Variants in PRKCH observed in about 807,000 individuals in gnomAD.
The protein encoded by PRKCH is protein kinase C eta, also known as protein kinase C eta type.
A neutral mutation model predicts 82.5 loss-of-function variants in PRKCH; 28 were observed. The ratio of observed to expected loss-of-function variants is 0.34; its 90% confidence interval spans 0.25 to 0.47. The LOEUF is 0.47. Among genes scored for constraint, PRKCH ranks in the 20% least tolerant of loss-of-function variants. The probability of loss-of-function intolerance (pLI) is 1.00; values close to 1 mark genes in which losing one functional copy is unlikely to be tolerated. For synonymous variants in PRKCH, 322 were observed against 327.4 expected (o/e 0.98, Z 0.18); for missense variants, 705 against 881.8 (o/e 0.80, Z 2.54).
chr14:61,305,636 C>A (rs1051165304), intron 1 of PRKCH: 1 of 152,138 alleles, frequency 6.6e-6, no homozygotes, highest in Admixed American at 6.6e-5. Context: ...CTGCTCTAAC[C>A]ATCGAATAAA....
intron 1 of PRKCH, among the ~76,000 whole-genome samples, chr14:61,233,679 G>A (rs1212838751): frequency 6.6e-6 from 1 of 152,082 alleles, no homozygotes; most frequent in Non-Finnish European, 1.5e-5. Flanking sequence ...TTATAATAGT[G>A]AGTTAGTTAT....
At chr14:61,301,952 G>A (rs1436738244) in intron 1 of PRKCH, among the ~76,000 whole-genome samples, 1 of 152,176 alleles carries the variant, frequency 6.6e-6, no homozygotes, top group African/African-American at 2.4e-5. Context: ...ATTCCCAAGA[G>A]TTCTCTCATG....
intron 2 of PRKCH, among the ~76,000 whole-genome samples, chr14:61,433,544 T>C (rs1883524210): frequency 6.6e-6 from 1 of 151,992 alleles, no homozygotes; most frequent in Non-Finnish European, 1.5e-5. Flanking sequence ...GGGGTGGGGG[T>C]AGAGAGAACA....
At chr14:61,416,680 C>T (rs1882577111) in intron 2 of PRKCH, among the ~76,000 whole-genome samples, 2 of 151,974 alleles carry the variant, frequency 1.3e-5, no homozygotes, top group South Asian at 4.2e-4. Context: ...GCTTCTCTCT[C>T]CTGTCCCTTT....
At chr14:61,381,899 C>G (rs2046516698) in intron 1 of PRKCH, among the ~76,000 whole-genome samples, 1 of 152,190 alleles carries the variant, frequency 6.6e-6, no homozygotes. Flanking sequence ...TCAGAGCAGC[C>G]TCAAGGGAGG....
At chr14:61,386,328 C>T (rs2046586736) in intron 1 of PRKCH, among the ~76,000 whole-genome samples, 1 of 152,188 alleles carries the variant, frequency 6.6e-6, no homozygotes, top group Non-Finnish European at 1.5e-5. Context: ...AGTTAGGAAG[C>T]CACATGGTCA....
chr14:61,426,669 A>C (rs1298593454), intron 2 of PRKCH, among the ~76,000 whole-genome samples: 1 of 152,236 alleles, frequency 6.6e-6, no homozygotes, highest in Non-Finnish European at 1.5e-5. Flanking sequence ...TGTAATTTAT[A>C]CAGCTTTACA....
chr14:61,375,930 T>A (rs1232563923), intron 1 of PRKCH, among the ~76,000 whole-genome samples: 4 of 149,540 alleles, frequency 2.7e-5, no homozygotes, highest in African/African-American at 9.9e-5. Context: ...GGCAGGAGAA[T>A]CACTTGAACC....
intron 6 of PRKCH, chr14:61,452,969 A>C (rs992575219): frequency 2.1e-6 from 1 of 485,352 alleles, no homozygotes; most frequent in Non-Finnish European, 3.7e-6. Flanking sequence ...AATGGGTTTC[A>C]TCAAATCATG....
At chr14:61,274,384 C>G (rs2140087873) in intron 1 of PRKCH, among the ~76,000 whole-genome samples, 1 of 152,264 alleles carries the variant, frequency 6.6e-6, no homozygotes, top group Admixed American at 6.5e-5. Context: ...TGTGGGTAGA[C>G]AGGAGTGATT....
At chr14:61,415,821 C>T (rs1882518275) in intron 2 of PRKCH, among the ~76,000 whole-genome samples, 1 of 152,140 alleles carries the variant, frequency 6.6e-6, no homozygotes, top group Non-Finnish European at 1.5e-5. Context: ...ATTCTATACC[C>T]ATTGAATACT....
intron 1 of PRKCH, among the ~76,000 whole-genome samples, chr14:61,200,327 C>A (rs764162305): frequency 4.6e-5 from 7 of 152,102 alleles, no homozygotes; most frequent in Non-Finnish European, 7.4e-5. Context: ...TTCCCTCTAC[C>A]AGTCCACTGG....
In PRKCH at chr14:61,412,516, G is replaced by A. The variant is rs143264458; in HGVS notation, c.427+21228G>A. Among the ~76,000 whole-genome samples the A allele has an allele frequency of 2.9e-3, 444 of 152,208 alleles. 2 individuals carry two copies. The highest frequency in any genetic ancestry group is 0.01 in the African/African-American group (419 of 41,538). ...CTCAGTGCTCTCTCTAGCCAGGACT[G>A]TGGGGTCATCCCTGCAGTGCTAACT... On this transcript the variant is annotated intron_variant, in intron 2 of 13. Transcript: ENST00000332981.
At chr14:61,279,010 C>G (rs2045230390) in intron 1 of PRKCH, 1 of 148,934 alleles carries the variant, frequency 6.7e-6, no homozygotes, top group South Asian at 2.1e-4. Flanking sequence ...CACACACACA[C>G]ACAATGACAA....
intron 1 of PRKCH, among the ~76,000 whole-genome samples, chr14:61,384,391 G>A (rs770590759): frequency 1.3e-5 from 2 of 150,748 alleles, no homozygotes; most frequent in South Asian, 2.1e-4. Flanking sequence ...CCTAGACCCC[G>A]TTCCCTTGCC....
intron 2 of PRKCH, among the ~76,000 whole-genome samples, chr14:61,392,177 G>A (rs944079620): frequency 2.0e-5 from 3 of 150,804 alleles, no homozygotes; most frequent in African/African-American, 4.9e-5. Flanking sequence ...GACTTTTGGG[G>A]TTTTTCCTAT....
Position 61,519,313 on chromosome 14 carries a change from GAATGAATA to G in PRKCH, c.1434-9758_1434-9751del, listed in dbSNP as rs958658547. 5.0e-5 allele frequency among the ~76,000 whole-genome samples: 7 copies of G among 141,144 alleles called. No homozygotes were observed. In the East Asian group the frequency reaches 8.1e-4, roughly 16 times the overall value. The allele number at this position is 141,144 out of a possible 152,430, so 92.6% of individuals were successfully genotyped here. A position where few individuals can be genotyped will look rare whatever the true frequency, so the allele number is the denominator to read the frequency against. ...TGAATGAATGAATGAATGAATGAAT[GAATGAATA>G]AATAAAATTTTTGTAGAGACAGGGT... On this transcript the variant is annotated intron_variant, in intron 10 of 13. Transcript: ENST00000332981.
In PRKCH at chr14:61,477,853, C is replaced by T. The variant is rs149003979; in HGVS notation, c.1279-7649C>T. Among the ~76,000 whole-genome samples, 576 of 152,308 alleles carry T rather than the reference C, an allele frequency of 3.8e-3. 6 individuals are homozygous for T. The highest frequency in any genetic ancestry group is 0.013 in the African/African-American group (557 of 41,570). On this transcript the variant is annotated intron_variant, in intron 9 of 13. Coordinates refer to ENST00000332981, the MANE Select transcript of PRKCH (RefSeq NM_006255.5). The stretch of plus-strand genomic sequence containing the variant: ...CTTCCACCTCCTTCGACCCTCTATA[C>T]CCTTGTCCCACACTGAGGGTTGGGG...
At chr14:61,466,135 T>A (rs574647563) in intron 9 of PRKCH, among the ~76,000 whole-genome samples, 1 of 152,336 alleles carries the variant, frequency 6.6e-6, no homozygotes, top group East Asian at 1.9e-4. Context: ...GCCAGGAAAT[T>A]ATGCCAGTAA....
Sources: allele counts gnomAD v4.1 joint callset (sites outside exome capture counted in the v4.1 genomes callset), GRCh38; gene constraint gnomAD v4.1.1; transcripts MANE v1.5; gene names NCBI Gene and HGNC (gene_info 2026-07-23, HGNC 2026-07-21).